DST: variants seen among roughly 807,000 people sequenced by gnomAD.
The protein encoded by DST is dystonin.
In DST, 253 loss-of-function variants were observed where a neutral mutation model predicts 875.2. The ratio of observed to expected loss-of-function variants is 0.29; its 90% CI spans 0.26 to 0.32. The LOEUF (loss-of-function observed/expected upper bound fraction) is 0.32. DST is among the 10% of genes least tolerant of loss of function. The pLI, the probability that DST is intolerant of heterozygous loss-of-function variation, is 1.00. For synonymous variants in DST, 3,124 were observed against 3,197.1 expected, an observed-to-expected ratio of 0.98 and a Z score of 0.77; for missense variants, 8,287 against 9,111.6, an observed-to-expected ratio of 0.91 and a Z score of 3.68.
chr6:56,891,137 G>A (rs1303321262), intron 3 of DST, among the ~76,000 whole-genome samples: 5 of 152,304 alleles, frequency 3.3e-5, no homozygotes, highest in Admixed American at 6.5e-5. Flanking sequence ...GGGAAATGTC[G>A]GCAGAGGCCA....
chr6:56,658,812 G>C (rs559193962), intron 10 of DST, among the ~76,000 whole-genome samples: 10 of 152,314 alleles, frequency 6.6e-5, no homozygotes, highest in Non-Finnish European at 1.2e-4. Context: ...AGGGAGCTCA[G>C]GAGTAAACCA....
At chr6:56,764,800 T>C (rs544301388) in intron 4 of DST, among the ~76,000 whole-genome samples, 1 of 152,036 alleles carries the variant, frequency 6.6e-6, no homozygotes, top group Non-Finnish European at 1.5e-5. Context: ...TCTACAAAAA[T>C]ACAAAAATTA....
chr6:56,906,039 T>C (rs1215695682), intron 2 of DST, among the ~76,000 whole-genome samples: 1 of 152,230 alleles, frequency 6.6e-6, no homozygotes, highest in Non-Finnish European at 1.5e-5. Flanking sequence ...GCAATGAACA[T>C]AGGAGCATAT....
intron 5 of DST, among the ~76,000 whole-genome samples, chr6:56,713,538 G>A (rs911348384): frequency 1.3e-5 from 2 of 152,174 alleles, no homozygotes; most frequent in Admixed American, 1.3e-4. Flanking sequence ...ATATGAGTCA[G>A]GCTGCAGACT....
chr6:56,735,553 T>TCACCACCACCACCACCAC lies in DST; in HGVS notation c.626-265_626-264insGTGGTGGTGGTGGTGGTG, dbSNP rs1481488913. ...CTCTGCCCCTCTGTCCCATAACCCC[T>TCACCACCACCACCACCAC]CATCACCACCACCACCACCATGAAG... On this transcript the variant is annotated intron_variant, in intron 4 of 103. Transcript: ENST00000680361. Among the ~76,000 whole-genome samples the TCACCACCACCACCACCAC allele has an allele frequency of 5.9e-3, 677 of 115,004 alleles. 2 individuals carry two copies. Among genetic ancestry groups the TCACCACCACCACCACCAC allele is most frequent in the African/African-American group, 0.026 (595 of 23,182 alleles). 75.4% of individuals were successfully genotyped at this position (115,004 alleles called of 152,430 possible). A position where few individuals can be genotyped will look rare whatever the true frequency, so the allele number is the denominator to read the frequency against.
At chr6:56,603,764 A>G in intron 40 of DST, 51 bp from the exon 41 acceptor site, 1 of 1,577,682 alleles carries the variant, frequency 6.3e-7, no homozygotes, top group Non-Finnish European at 8.6e-7. Flanking sequence ...GCAGATGTTT[A>G]AAGCAAATGT....
chr6:56,650,103 C>G (rs149221225), intron 12 of DST, among the ~76,000 whole-genome samples: 1 of 152,130 alleles, frequency 6.6e-6, no homozygotes, highest in East Asian at 1.9e-4. Flanking sequence ...GGTCTAGAAA[C>G]AGCACAGAGA....
intron 37 of DST, 70 bp from the exon 38 acceptor site, chr6:56,611,666 AG>A: frequency 8.8e-7 from 1 of 1,130,544 alleles, no homozygotes; most frequent in Non-Finnish European, 1.3e-6. Context: ...TTTAAAAAAA[AG>A]AAATTAATCA....
At chr6:56,664,502 C>A (rs1451751870) in intron 10 of DST, among the ~76,000 whole-genome samples, 1 of 152,140 alleles carries the variant, frequency 6.6e-6, no homozygotes. Flanking sequence ...CTATATCAAC[C>A]CTAACTCTTG....
At position 56,703,776 on chromosome 6, in the gene DST, C is replaced by G. The variant is rs936742042; in HGVS notation, c.778-30G>C. ...TGAATATAACAGACAGAAGATAGGA[C>G]AGCAAAGACACAAGACAGACCAGAA... On this transcript the variant is annotated intron_variant, in intron 6 of 103. Transcript: ENST00000680361. The G allele has an allele frequency of 2.2e-5, 18 of 831,444 alleles. No individual in the cohort carries two copies. The African/African-American group carries it at 2.4e-4, about 11-fold the overall frequency. 51.5% of individuals were successfully genotyped at this position (831,444 alleles called of 1,614,324 possible).
intron 2 of DST, among the ~76,000 whole-genome samples, chr6:56,934,227 G>A (rs1811683193): frequency 6.6e-6 from 1 of 151,796 alleles, no homozygotes; most frequent in African/African-American, 2.4e-5. Context: ...TTTTTAAGAT[G>A]GGATGCTAAA....
intron 61 of DST, among the ~76,000 whole-genome samples, chr6:56,546,337 A>G (rs2097218924): frequency 1.6e-5 from 2 of 123,132 alleles, no homozygotes; most frequent in Admixed American, 1.9e-4. Context: ...ATTGAAATAT[A>G]TACATATTTC....
intron 9 of DST, among the ~76,000 whole-genome samples, chr6:56,673,064 G>A (rs759006666): frequency 1.6e-4 from 25 of 152,092 alleles, no homozygotes; most frequent in Middle Eastern, 3.4e-3. Flanking sequence ...AGACCAGGCT[G>A]GGCAACATAG....
chr6:56,900,054 A>G (rs1793339974), intron 3 of DST, among the ~76,000 whole-genome samples: 1 of 152,130 alleles, frequency 6.6e-6, no homozygotes, highest in African/African-American at 2.4e-5. Flanking sequence ...TGCTTCTCCT[A>G]TCCTGACACT....
At chr6:56,680,305 T>G (rs1468254375) in intron 9 of DST, among the ~76,000 whole-genome samples, 1 of 152,190 alleles carries the variant, frequency 6.6e-6, no homozygotes, top group African/African-American at 2.4e-5. Context: ...AGAAGAAAAT[T>G]AGATTGTTAA....
chr6:56,898,207 T>C (rs908578390), intron 3 of DST, among the ~76,000 whole-genome samples: 20 of 152,220 alleles, frequency 1.3e-4, no homozygotes, highest in African/African-American at 4.8e-4. Context: ...GAATCAAAAC[T>C]AAGGGCACCT....
Position 56,535,165 on chromosome 6 carries a change from G to A in DST, c.16898C>T (p.Ser5633Leu), listed in dbSNP as rs1275203256. ...EELVANQKPP[S>L]AEFKVVKAQI... Reference sequence around the variant, plus strand: ...GGCCTTTACCACTTTGAACTCAGCCGACGGGGGCTTCTGATTGGCCACAAG... The same window carrying A: ...GGCCTTTACCACTTTGAACTCAGCCAACGGGGGCTTCTGATTGGCCACAAG... The change falls in exon 63 of 104, where the codon TCG becomes TTG. Residue 5633 changes from serine (S) to leucine (L), a missense_variant. This residue lies in a region of DST where 777 missense variants were observed against 764.8 expected (regional missense o/e 1.02). Coordinates refer to ENST00000680361, the MANE Select transcript of DST (RefSeq NM_001374736.1). 3 of 1,613,652 alleles carry A rather than the reference G, an allele frequency of 1.9e-6. No homozygotes were observed. The highest frequency in any genetic ancestry group is 2.2e-5 in the East Asian group (1 of 44,864).
chr6:56,735,494 G>A (rs2099519573), intron 4 of DST, among the ~76,000 whole-genome samples: 1 of 152,048 alleles, frequency 6.6e-6, no homozygotes, highest in South Asian at 2.1e-4. Context: ...TCCCAGTACT[G>A]CATTTACCAA....
At chr6:56,576,649 GC>G (rs1226561776) in intron 50 of DST, among the ~76,000 whole-genome samples, 4 of 152,110 alleles carry the variant, frequency 2.6e-5, no homozygotes, top group African/African-American at 9.7e-5. Context: ...AGAGTGAGTA[GC>G]AAAAAGAATC....
Sources: gnomAD v4.1 joint callset for allele counts (sites outside exome capture counted in the v4.1 genomes callset) on GRCh38, gnomAD v4.1.1 for gene constraint, gnomAD v4.1.1 regional missense constraint, MANE v1.5 for transcripts, NCBI Gene and HGNC (gene_info 2026-07-23, HGNC 2026-07-21) for gene names.